ROR2: variants seen among roughly 807,000 people sequenced by gnomAD.
ROR2 encodes the protein ROR family WNT receptor 2, also known as tyrosine-protein kinase transmembrane receptor ROR2.
ROR2 carries 33 observed loss-of-function variants against 74.9 expected under a neutral mutation model. That is an observed-to-expected ratio of 0.44 (90% CI 0.33 to 0.59). The LOEUF (loss-of-function observed/expected upper bound fraction) is 0.59. ROR2 is among the 20% of genes least tolerant of loss of function. ROR2 has a pLI of 0.02. For missense variants in ROR2, 1,216 were observed against 1,313.8 expected (o/e 0.93, Z 1.15); for synonymous variants, 586 against 558.7 (o/e 1.05, Z -0.69).
intron 1 of ROR2, among the ~76,000 whole-genome samples, chr9:91,919,876 T>C (rs1218342699): frequency 6.6e-6 from 1 of 151,698 alleles, no homozygotes; most frequent in Admixed American, 6.6e-5. Flanking sequence ...CGGAGGAGAG[T>C]AGAACCAACA....
chr9:91,725,180 G>A (rs1395935418), intron 8 of ROR2, 73 bp from the exon 9 acceptor site: 2 of 1,602,548 alleles, frequency 1.2e-6, no homozygotes, highest in Admixed American at 1.7e-5. Flanking sequence ...GAGCAGCCGG[G>A]AGGAGTGGAG....
chr9:91,873,305 G>A (rs1215487325), intron 1 of ROR2, among the ~76,000 whole-genome samples: 1 of 152,216 alleles, frequency 6.6e-6, no homozygotes, highest in East Asian at 1.9e-4. Flanking sequence ...AGTGGGGCTG[G>A]GCATGGTGGC....
chr9:91,759,373 C>T (rs1220595171), intron 2 of ROR2, among the ~76,000 whole-genome samples: 1 of 152,196 alleles, frequency 6.6e-6, no homozygotes, highest in Non-Finnish European at 1.5e-5. Flanking sequence ...TCCTAGCCAA[C>T]CCTTTTCCAT....
At chr9:91,732,941 G>A (rs914896923) in intron 6 of ROR2, among the ~76,000 whole-genome samples, 181 bp downstream of exon 6, 1 of 152,210 alleles carries the variant, frequency 6.6e-6, no homozygotes, top group Non-Finnish European at 1.5e-5. Context: ...CCTGATCCGA[G>A]GCCCCGCCTG....
intron 1 of ROR2, among the ~76,000 whole-genome samples, chr9:91,926,859 G>A (rs1449520272): frequency 1.3e-5 from 2 of 152,114 alleles, no homozygotes; most frequent in Non-Finnish European, 2.9e-5. Flanking sequence ...AAGAGGTAGT[G>A]TTTCATGGGG....
intron 2 of ROR2, among the ~76,000 whole-genome samples, chr9:91,774,621 AG>A (rs1296861100): frequency 6.6e-6 from 1 of 152,196 alleles, no homozygotes; most frequent in East Asian, 1.9e-4. Flanking sequence ...GGCTTTAATC[AG>A]GTGCTGCAGC....
chr9:91,731,938 A>C (rs1564236728), intron 6 of ROR2, among the ~76,000 whole-genome samples: 1 of 152,056 alleles, frequency 6.6e-6, no homozygotes, highest in Non-Finnish European at 1.5e-5. Context: ...AAACAAAAAA[A>C]CCACCTTCCT....
intron 5 of ROR2, among the ~76,000 whole-genome samples, chr9:91,736,268 C>T (rs9409651): frequency 0.43 from 65,089 of 152,024 alleles, 14,582 homozygotes; most frequent in Non-Finnish European, 0.49. Context: ...TGTACCAGCA[C>T]ATGGGCCAGG....
intron 1 of ROR2, among the ~76,000 whole-genome samples, chr9:91,894,583 G>A (rs1015958837): frequency 5.9e-5 from 9 of 152,188 alleles, no homozygotes; most frequent in African/African-American, 2.2e-4. Flanking sequence ...AAAACACAAT[G>A]AGTTTAAACT....
At chr9:91,759,557 C>A (rs1024989039) in intron 2 of ROR2, among the ~76,000 whole-genome samples, 3 of 152,074 alleles carry the variant, frequency 2.0e-5, no homozygotes, top group African/African-American at 7.2e-5. Context: ...ATCTGCATTC[C>A]CCATGCTCCC....
Position 91,910,722 on chromosome 9 carries a change from G to A in ROR2, c.97+39145C>T, listed in dbSNP as rs1023695304. ...TCTGTTGCCCAGGCTAGAGTACAGT[G>A]GCCTGATTTCAGCTCACTGCAACCT... On this transcript the variant is annotated intron_variant, in intron 1 of 8. Transcript: ENST00000375708. Among the ~76,000 whole-genome samples the A allele has an allele frequency of 4.6e-5, 7 of 151,616 alleles. 1 individual carries two copies. Among genetic ancestry groups the A allele is most frequent in the Admixed American group, 4.6e-4 (7 of 15,226 alleles).
At chr9:91,858,342 T>C (rs1302236422) in intron 1 of ROR2, among the ~76,000 whole-genome samples, 1 of 152,024 alleles carries the variant, frequency 6.6e-6, no homozygotes, top group Non-Finnish European at 1.5e-5. Flanking sequence ...TGCAGGCACC[T>C]GCGTGCACAC....
intron 1 of ROR2, among the ~76,000 whole-genome samples, chr9:91,875,614 G>T (rs1017508576): frequency 2.0e-5 from 3 of 152,258 alleles, no homozygotes; most frequent in Admixed American, 1.3e-4. Flanking sequence ...CACAAGACGT[G>T]CCAAGATAAG....
At chr9:91,757,978 G>A (rs1825814100) in intron 2 of ROR2, among the ~76,000 whole-genome samples, 1 of 152,174 alleles carries the variant, frequency 6.6e-6, no homozygotes, top group African/African-American at 2.4e-5. Context: ...GCATGTCGCA[G>A]CTTTCTTGCA....
intron 1 of ROR2, among the ~76,000 whole-genome samples, chr9:91,904,961 A>C (rs1295790893): frequency 6.6e-6 from 1 of 151,804 alleles, no homozygotes; most frequent in East Asian, 1.9e-4. Flanking sequence ...AGACATACAC[A>C]AATGTCACAT....
chr9:91,753,744 A>C (rs1391031577), intron 4 of ROR2, among the ~76,000 whole-genome samples: 2 of 152,160 alleles, frequency 1.3e-5, no homozygotes, highest in Non-Finnish European at 2.9e-5. Context: ...CCTCAAATAC[A>C]CTGAGATGGA....
intron 1 of ROR2, among the ~76,000 whole-genome samples, chr9:91,849,093 A>G (rs549388096): frequency 8.1e-4 from 123 of 152,180 alleles, no homozygotes; most frequent in Non-Finnish European, 1.3e-3. Context: ...AGGTGCCCAC[A>G]CTTCGGAAGT....
chr9:91,914,844 T>C (rs1831089113), intron 1 of ROR2, among the ~76,000 whole-genome samples: 4 of 152,042 alleles, frequency 2.6e-5, no homozygotes, highest in Admixed American at 2.0e-4. Flanking sequence ...CAGGGCAAAC[T>C]TACACAGGGC....
intron 1 of ROR2, among the ~76,000 whole-genome samples, chr9:91,794,238 T>A (rs928676620): frequency 6.6e-6 from 1 of 152,276 alleles, no homozygotes; most frequent in Non-Finnish European, 1.5e-5. Context: ...TTTTGAGTGC[T>A]GGGCACTGGC....
Sources: gnomAD v4.1 joint callset for allele counts (sites outside exome capture counted in the v4.1 genomes callset) on GRCh38, gnomAD v4.1.1 for gene constraint, MANE v1.5 for transcripts, NCBI Gene and HGNC (gene_info 2026-07-23, HGNC 2026-07-21) for gene names.